Variants in ZMYM3 observed in about 807,000 individuals in gnomAD.
ZMYM3 encodes zinc finger MYM-type protein 3.
ZMYM3 carries 6 observed loss-of-function variants against 94.2 expected under a neutral mutation model. That is an observed-to-expected ratio of 0.06 (90% confidence interval 0.03 to 0.13). ZMYM3 has a LOEUF of 0.13. Among genes scored for constraint, ZMYM3 ranks in the 10% least tolerant of loss-of-function variants. The pLI, the probability that ZMYM3 is intolerant of heterozygous loss-of-function variation, is 1.00. For synonymous variants in ZMYM3, 420 were observed against 426.5 expected (o/e 0.98, Z 0.19); for missense variants, 664 against 1,132.6 (o/e 0.59, Z 5.94).
chrX:71,254,383 G>A (rs2030661509), upstream of ZMYM3: 1 of 112,324 alleles, frequency 8.9e-6, no homozygotes, highest in African/African-American at 3.2e-5. Flanking sequence ...CTGGAGCTTT[G>A]AAGCCGGCCC....
At position 71,251,158 on chromosome X, in the gene ZMYM3, C is replaced by G. The variant is rs778071972; in HGVS notation, c.778+20G>C. The G allele has an allele frequency of 8.3e-7, 1 of 1,209,258 alleles. No individual in the cohort carries two copies. Among genetic ancestry groups the G allele is most frequent in the South Asian group, 1.8e-5 (1 of 56,861 alleles). On this transcript the variant is annotated intron_variant, in intron 4 of 24. Transcript: ENST00000314425. ...CCACACCCAGAACTCCCAGGTCACACTTCCTCAAATCCTACTTACTGCTCT... is the reference window on the plus strand; with the variant it reads ...CCACACCCAGAACTCCCAGGTCACAGTTCCTCAAATCCTACTTACTGCTCT...
chrX:71,253,860 A>C (rs1602371370), intron 1 of ZMYM3, among the ~76,000 whole-genome samples, 169 bp downstream of exon 1: 2 of 69,129 alleles, frequency 2.9e-5, no homozygotes, highest in Admixed American at 1.7e-4. Flanking sequence ...CCCCTTTCCC[A>C]TTGCTCCTCC....
intron 4 of ZMYM3, 77 bp from the exon 5 acceptor site, chrX:71,250,803 C>A: frequency 1.0e-6 from 1 of 995,425 alleles, no homozygotes; most frequent in South Asian, 2.3e-5. Flanking sequence ...ACAGTTCAGT[C>A]CCTCTCCTGG....
intron 4 of ZMYM3, among the ~76,000 whole-genome samples, 178 bp downstream of exon 4, chrX:71,250,999 GT>G (rs1260187780): frequency 9.0e-6 from 1 of 111,238 alleles, no homozygotes; most frequent in Admixed American, 9.5e-5. Context: ...CACTGCTCTT[GT>G]TTTCAATTTC....
At chrX:71,249,269 T>C in intron 7 of ZMYM3, 100 bp from the exon 8 acceptor site, 2 of 1,173,764 alleles carry the variant, frequency 1.7e-6, no homozygotes, top group Non-Finnish European at 2.3e-6. Context: ...ACAAAAAAAG[T>C]ATAGATGATG....
intron 3 of ZMYM3, 23 bp from the exon 4 acceptor site, chrX:71,251,267 G>A: frequency 8.3e-7 from 1 of 1,201,955 alleles, no homozygotes. Context: ...AAGATGGGAG[G>A]GGAGGAAAAC....
Position 71,246,108 on chromosome X carries a change from A to G in ZMYM3, c.2573-10T>C. ...TGTGGCTTCCACTCTTCTGTGGATA[A>G]GAAAGGGGTCTTCTCAGAGACCCTG... On this transcript the variant is annotated splice_polypyrimidine_tract_variant and intron_variant, in intron 15 of 24. Coordinates refer to ENST00000314425, the MANE Select transcript of ZMYM3 (RefSeq NM_201599.3). The G allele has an allele frequency of 8.3e-7, 1 of 1,200,903 alleles. No individual in the cohort carries two copies. The highest frequency in any genetic ancestry group is 1.1e-6 in the Non-Finnish European group (1 of 888,357).
rs748385875 is a variant in ZMYM3, at chrX:71,244,280, C to T, written c.3280+22G>A. ...TCCTCCCTGTCCCTGCCTCCCCACA[C>T]CCCCCATCCCCAAGTACTTACGGCC... On this transcript the variant is annotated intron_variant, in intron 20 of 24. Transcript: ENST00000314425. 5.0e-6 allele frequency: 6 copies of T among 1,201,499 alleles called. 1 individual carries two copies. In the South Asian group the frequency reaches 5.4e-5, roughly 11 times the overall value.
rs1183731352 is a variant in ZMYM3, at chrX:71,240,459, T to C, written c.*457A>G. 8.6e-6 allele frequency: 1 copy of C among 116,683 alleles called. No homozygotes were observed. Among genetic ancestry groups the C allele is most frequent in the Non-Finnish European group, 1.8e-5 (1 of 56,531 alleles). The allele number at this position is 116,683 out of a possible 1,213,427, so 9.6% of individuals were successfully genotyped here. A position where few individuals can be genotyped will look rare whatever the true frequency, so the allele number is the denominator to read the frequency against. Reference sequence around the variant, plus strand: ...ACCTTTCAGATAAGACCTTTTGGCATGGTGCTGGGGAAGAGTAGAGAAGGG... The same window carrying C: ...ACCTTTCAGATAAGACCTTTTGGCACGGTGCTGGGGAAGAGTAGAGAAGGG... On this transcript the variant is annotated 3_prime_UTR_variant, in exon 25 of 25. Transcript: ENST00000314425.
Position 71,250,133 on chromosome X carries a change from T to C in ZMYM3, c.1144A>G (p.Thr382Ala). 8.3e-7 allele frequency: 1 copy of C among 1,206,803 alleles called. No homozygotes were observed. Among genetic ancestry groups the C allele is most frequent in the Non-Finnish European group, 1.1e-6 (1 of 893,517 alleles). The change falls in exon 6 of 25, where the codon ACA (threonine) becomes GCA (alanine). Residue 382 changes from threonine (T) to alanine (A), a missense_variant. This residue lies in a region of ZMYM3 where 51 missense variants were observed against 53.0 expected (regional missense o/e 0.96). Coordinates refer to ENST00000314425, the MANE Select transcript of ZMYM3 (RefSeq NM_201599.3). ...TCATACAGGGAGAGACAGACGGATG[T>C]GCAGAACTCATGGAAGGAGCCTCCA... Reference protein sequence around the residue: ...GSGGSFHEFCTSVCLSLYEAQ... With the variant: ...GSGGSFHEFCASVCLSLYEAQ...
intron 6 of ZMYM3, 69 bp downstream of exon 6, chrX:71,249,956 GC>G (rs2030374319): frequency 9.0e-7 from 1 of 1,116,447 alleles, no homozygotes; most frequent in Admixed American, 3.2e-5. Flanking sequence ...GGACCCTGCA[GC>G]CCCAGGATGG....
chrX:71,251,330 T>C (rs1444537913), intron 3 of ZMYM3, 86 bp from the exon 4 acceptor site: 19 of 308,992 alleles, frequency 6.1e-5, no homozygotes, highest in Non-Finnish European at 9.5e-5. Context: ...GGATAGAAGA[T>C]GGGAGGGGGA....
chrX:71,240,777 A>C lies in ZMYM3; in HGVS notation c.*139T>G. 3 of 602,537 alleles carry C rather than the reference A, an allele frequency of 5.0e-6. No individual in the cohort carries two copies. The highest frequency in any genetic ancestry group is 7.7e-6 in the Non-Finnish European group (3 of 391,296). The allele number at this position is 602,537 out of a possible 1,213,427, so 49.7% of individuals were successfully genotyped here. A position where few individuals can be genotyped will look rare whatever the true frequency, so the allele number is the denominator to read the frequency against. On this transcript the variant is annotated 3_prime_UTR_variant, in exon 25 of 25. Coordinates refer to ENST00000314425, the MANE Select transcript of ZMYM3 (RefSeq NM_201599.3). ...AGATAAAAGCCAGGGTTCCTAGAGAAGGCAGGGAATGGGTGAGCGGAAAGG... is the reference window on the plus strand; with the variant it reads ...AGATAAAAGCCAGGGTTCCTAGAGACGGCAGGGAATGGGTGAGCGGAAAGG...
chrX:71,240,912 G>A lies in ZMYM3; in HGVS notation c.*4C>T, dbSNP rs945944084. 5.0e-6 allele frequency: 6 copies of A among 1,204,987 alleles called. No homozygotes were observed. Among genetic ancestry groups the A allele is most frequent in the Admixed American group, 2.2e-5 (1 of 45,555 alleles). ...TGAAAGATGGATATGGATGGCACACGAGCTCAGTCCAGGTCTTCCTCCCCA... is the reference window on the plus strand; with the variant it reads ...TGAAAGATGGATATGGATGGCACACAAGCTCAGTCCAGGTCTTCCTCCCCA... On this transcript the variant is annotated 3_prime_UTR_variant, in exon 25 of 25. Transcript: ENST00000314425.
intron 13 of ZMYM3, among the ~76,000 whole-genome samples, 165 bp downstream of exon 13, chrX:71,247,180 G>A (rs971789824): frequency 9.0e-6 from 1 of 111,715 alleles, no homozygotes; most frequent in East Asian, 2.8e-4. Context: ...AGACTCCCCC[G>A]GTACCTGCAG....
In ZMYM3 at chrX:71,243,816, G is replaced by A; in HGVS notation, c.3432+13C>T. 2 of 1,209,889 alleles carry A rather than the reference G, an allele frequency of 1.7e-6. No homozygotes were observed. The highest frequency in any genetic ancestry group is 2.2e-6 in the Non-Finnish European group (2 of 894,718). ...TAAGAGTGACAGGAAGTGAGGTGGT[G>A]CACAAGAGGTACCTGCTGGATGCCA... On this transcript the variant is annotated intron_variant, in intron 21 of 24. Transcript: ENST00000314425.
rs1407577443 is a variant in ZMYM3 at position 71,250,779 on chromosome X, C to G, written c.779-53G>C. On this transcript the variant is annotated intron_variant, in intron 4 of 24. Transcript: ENST00000314425. ...AAAGGCCACCAAACCAGGTCTCCAA[C>G]CATCCCCTGACCAACAGTTCAGTCC... The G allele has an allele frequency of 7.3e-6, 8 of 1,093,725 alleles. No homozygotes were observed. In the South Asian group the frequency reaches 1.7e-4, roughly 24 times the overall value. 90.1% of individuals were successfully genotyped at this position (1,093,725 alleles called of 1,213,427 possible). A position where few individuals can be genotyped will look rare whatever the true frequency, so the allele number is the denominator to read the frequency against.
At chrX:71,252,551 C>G (rs1274982095) in intron 2 of ZMYM3, 38 bp downstream of exon 2, 1 of 1,128,401 alleles carries the variant, frequency 8.9e-7, no homozygotes, top group East Asian at 3.1e-5. Context: ...CCACCACCCT[C>G]TCCCAGCCCT....
intron 18 of ZMYM3, among the ~76,000 whole-genome samples, 153 bp from the exon 19 acceptor site, chrX:71,245,046 G>A (rs961277381): frequency 4.0e-5 from 4 of 99,348 alleles, no homozygotes; most frequent in Middle Eastern, 5.8e-3. Context: ...GCACAGAAAC[G>A]CAAAACACAG....
Sources: gnomAD v4.1 joint callset for allele counts (sites outside exome capture counted in the v4.1 genomes callset) on GRCh38, gnomAD v4.1.1 for gene constraint, gnomAD v4.1.1 regional missense constraint, MANE v1.5 for transcripts, NCBI Gene and HGNC (gene_info 2026-07-23, HGNC 2026-07-21) for gene names.